Variants in RGS7 observed in about 807,000 individuals in gnomAD.
The protein encoded by RGS7 is regulator of G protein signaling 7.
Under a neutral mutation model 81.1 loss-of-function variants are expected in RGS7, and 27 were observed. The ratio of observed to expected loss-of-function variants is 0.33; its 90% CI spans 0.25 to 0.46. The LOEUF (loss-of-function observed/expected upper bound fraction) is 0.46, where lower values mean the gene tolerates loss of function less well. Among genes scored for constraint, RGS7 ranks in the 20% least tolerant of loss-of-function variants. RGS7 has a pLI of 1.00. For missense variants in RGS7, 396 were observed against 607.4 expected, an observed-to-expected ratio of 0.65 and a Z score of 3.66; for synonymous variants, 208 against 207.7, an observed-to-expected ratio of 1.00 and a Z score of -0.01.
intron 3 of RGS7, among the ~76,000 whole-genome samples, chr1:240,993,522 C>T (rs1423844490): frequency 2.6e-5 from 4 of 151,994 alleles, no homozygotes; most frequent in Non-Finnish European, 5.9e-5. Flanking sequence ...TTCTGTGAAA[C>T]GTCTCTTCAT....
At chr1:240,906,716 C>T (rs1339242376) in intron 6 of RGS7, among the ~76,000 whole-genome samples, 1 of 152,180 alleles carries the variant, frequency 6.6e-6, no homozygotes, top group Non-Finnish European at 1.5e-5. Context: ...CAGAAAGCAA[C>T]AGCAGGGCAC....
intron 2 of RGS7, among the ~76,000 whole-genome samples, chr1:241,281,538 G>A (rs1168926477): frequency 3.3e-5 from 5 of 152,218 alleles, no homozygotes; most frequent in Non-Finnish European, 1.5e-5. Context: ...GATGCCAGAA[G>A]TGCTCCCAAG....
chr1:241,218,705 C>A (rs1386666063), intron 2 of RGS7, among the ~76,000 whole-genome samples: 2 of 152,136 alleles, frequency 1.3e-5, no homozygotes, highest in African/African-American at 2.4e-5. Flanking sequence ...AGTGCAATGG[C>A]GCAATCTCGG....
chr1:240,777,427 A>C (rs1683163179), intron 18 of RGS7, among the ~76,000 whole-genome samples: 1 of 152,238 alleles, frequency 6.6e-6, no homozygotes, highest in Non-Finnish European at 1.5e-5. Flanking sequence ...GATAAGTAAA[A>C]ATTAAAAAAT....
intron 6 of RGS7, among the ~76,000 whole-genome samples, chr1:240,878,997 T>C (rs1170420519): frequency 6.6e-6 from 1 of 152,198 alleles, no homozygotes; most frequent in Non-Finnish European, 1.5e-5. Flanking sequence ...AGAAATGGTA[T>C]CAAAGGGTTG....
chr1:241,228,301 C>G (rs1008618107), intron 2 of RGS7, among the ~76,000 whole-genome samples: 2 of 152,126 alleles, frequency 1.3e-5, no homozygotes, highest in Non-Finnish European at 1.5e-5. Flanking sequence ...TCCACCTGAG[C>G]CCCTAGAAAT....
At chr1:241,012,773 C>T (rs116545914) in intron 3 of RGS7, among the ~76,000 whole-genome samples, 1,619 of 152,254 alleles carry the variant, frequency 0.011, 29 homozygotes, top group African/African-American at 0.037. Context: ...TCCCCCTTAA[C>T]CAGCTCTAGG....
intron 2 of RGS7, among the ~76,000 whole-genome samples, chr1:241,232,238 G>A (rs1225136723): frequency 4.0e-5 from 6 of 151,784 alleles, no homozygotes; most frequent in Non-Finnish European, 7.4e-5. Context: ...AGATGCCAGA[G>A]TGCAGTGGTG....
intron 3 of RGS7, among the ~76,000 whole-genome samples, chr1:240,986,161 G>A (rs139502713): frequency 6.6e-6 from 1 of 152,180 alleles, no homozygotes; most frequent in East Asian, 1.9e-4. Flanking sequence ...TTTTAGAGTT[G>A]CAGAGCTTTG....
intron 2 of RGS7, among the ~76,000 whole-genome samples, chr1:241,345,045 T>C (rs909781570): frequency 3.3e-5 from 5 of 152,228 alleles, no homozygotes; most frequent in African/African-American, 9.7e-5. Flanking sequence ...CATGGAATGC[T>C]ATGCAGCCAC....
At chr1:241,026,680 C>T (rs1392102268) in intron 3 of RGS7, among the ~76,000 whole-genome samples, 1 of 151,988 alleles carries the variant, frequency 6.6e-6, no homozygotes, top group Non-Finnish European at 1.5e-5. Flanking sequence ...AAGGGCCATG[C>T]TCTGGGGGTA....
At chr1:240,911,056 T>C (rs1671673787) in intron 6 of RGS7, among the ~76,000 whole-genome samples, 1 of 152,192 alleles carries the variant, frequency 6.6e-6, no homozygotes. Context: ...TACTATATTC[T>C]GGGCAAAAGC....
chr1:241,354,475 G>A (rs542135889), intron 2 of RGS7, among the ~76,000 whole-genome samples: 9 of 152,136 alleles, frequency 5.9e-5, no homozygotes, highest in African/African-American at 1.9e-4. Context: ...AGTACTGTTC[G>A]CCCAGGCTAG....
chr1:241,280,047 C>T (rs1448718528), intron 2 of RGS7, among the ~76,000 whole-genome samples: 1 of 152,066 alleles, frequency 6.6e-6, no homozygotes, highest in Non-Finnish European at 1.5e-5. Flanking sequence ...AGTTCTGATT[C>T]CCAGTTTCTC....
intron 11 of RGS7, among the ~76,000 whole-genome samples, chr1:240,815,382 A>G (rs980025786): frequency 6.6e-6 from 1 of 152,134 alleles, no homozygotes; most frequent in African/African-American, 2.4e-5. Context: ...TTAAACGTTC[A>G]TTCATGGTGA....
rs1663958656 is a variant in RGS7 at position 240,868,808 on chromosome 1, C to T, written c.495G>A (p.Glu165=). 3.7e-6 allele frequency: 6 copies of T among 1,614,026 alleles called. No homozygotes were observed. Among genetic ancestry groups the T allele is most frequent in the African/African-American group, 1.3e-5 (1 of 75,000 alleles). ...GTGCTTCTGCTTGCATGAAAATGAA[C>T]TCCCACTTCCGGGCAAATGCTCTCT... ...RLQRAFARKW[E]FIFMQAEAQA... The change falls in exon 8 of 19, where the codon GAG becomes GAA. Residue 165 remains glutamate, a synonymous_variant. Transcript: ENST00000440928. The surrounding 1 kb of genome is among the most constrained non-coding windows in gnomAD (Gnocchi z 5.1).
intron 6 of RGS7, among the ~76,000 whole-genome samples, chr1:240,872,955 T>G (rs1462845842): frequency 6.6e-6 from 1 of 152,070 alleles, no homozygotes; most frequent in Non-Finnish European, 1.5e-5. Context: ...GGCAGGCGCC[T>G]GTAGTCCCAG....
Position 241,006,004 on chromosome 1 carries a change from A to G in RGS7, c.176-22875T>C, listed in dbSNP as rs150081967. Reference sequence around the variant, plus strand: ...GGCTCTTATAAAAAATGCTATGAACATTCTTGCACAGAGCTTATTGTAGAC... The same window carrying G: ...GGCTCTTATAAAAAATGCTATGAACGTTCTTGCACAGAGCTTATTGTAGAC... On this transcript the variant is annotated intron_variant, in intron 3 of 18. Transcript: ENST00000440928. 4.1e-3 allele frequency among the ~76,000 whole-genome samples: 624 copies of G among 152,326 alleles called. 3 individuals carry two copies. Among genetic ancestry groups the G allele is most frequent in the African/African-American group, 0.014 (602 of 41,564 alleles).
intron 2 of RGS7, among the ~76,000 whole-genome samples, chr1:241,282,130 C>T (rs549910338): frequency 6.6e-6 from 1 of 152,302 alleles, no homozygotes; most frequent in African/African-American, 2.4e-5. Flanking sequence ...GGTTTTCAGT[C>T]CTTGTCTCTC....
Sources: allele counts gnomAD v4.1 joint callset (sites outside exome capture counted in the v4.1 genomes callset), GRCh38; gene constraint gnomAD v4.1.1; non-coding constraint Gnocchi (gnomAD v3.1); transcripts MANE v1.5; gene names NCBI Gene and HGNC (gene_info 2026-07-23, HGNC 2026-07-21).